XRCC4: variants seen among roughly 807,000 people sequenced by gnomAD.
XRCC4 encodes DNA repair protein XRCC4.
In XRCC4, 28 loss-of-function variants were observed where a neutral mutation model predicts 39.1. The ratio of observed to expected loss-of-function variants is 0.72; its 90% CI spans 0.53 to 0.98. The LOEUF is 0.98. Among genes scored for constraint, XRCC4 ranks in the 50% least tolerant of loss-of-function variants. XRCC4 has a pLI of 0.00. For synonymous variants in XRCC4, 123 were observed against 126.4 expected, an observed-to-expected ratio of 0.97 and a Z score of 0.18; for missense variants, 350 against 376.4, an observed-to-expected ratio of 0.93 and a Z score of 0.58.
chr5:83,101,829 A>G (rs1056141163), intron 1 of XRCC4, among the ~76,000 whole-genome samples: 2 of 152,158 alleles, frequency 1.3e-5, no homozygotes, highest in African/African-American at 4.8e-5. Flanking sequence ...TCACTATTCA[A>G]CGTAACCTTA....
At chr5:83,365,203 A>G in the XRCC4 span, among the ~76,000 whole-genome samples, 1 of 152,174 alleles carries the variant, frequency 6.6e-6, no homozygotes, top group Non-Finnish European at 1.5e-5. Context: ...GGAAAGCCCC[A>G]TTCAAATAAA....
chr5:83,132,286 T>C (rs1400813299), intron 3 of XRCC4, among the ~76,000 whole-genome samples: 3 of 152,120 alleles, frequency 2.0e-5, no homozygotes, highest in Admixed American at 6.6e-5. Context: ...GTGGGTAACC[T>C]GACCTTTCTA....
intron 6 of XRCC4, among the ~76,000 whole-genome samples, chr5:83,245,624 T>C (rs1381423604): frequency 6.6e-6 from 1 of 152,138 alleles, no homozygotes. Flanking sequence ...TGTGCCAGTT[T>C]ATTTAGATTT....
At chr5:83,332,270 AAGAG>A (rs149698378) in intron 7 of XRCC4, among the ~76,000 whole-genome samples, 5,243 of 128,504 alleles carry the variant, frequency 0.041, 128 homozygotes, top group Non-Finnish European at 0.059. Flanking sequence ...CACACACAGA[AAGAG>A]AGAGAGAGAG....
chr5:83,223,303 A>G (rs1379855744), intron 6 of XRCC4, among the ~76,000 whole-genome samples: 1 of 152,094 alleles, frequency 6.6e-6, no homozygotes, highest in Non-Finnish European at 1.5e-5. Flanking sequence ...TATCCTTTTC[A>G]GGATACAGTT....
chr5:83,193,749 C>T (rs1296838594), intron 3 of XRCC4, among the ~76,000 whole-genome samples: 1 of 152,104 alleles, frequency 6.6e-6, no homozygotes, highest in Non-Finnish European at 1.5e-5. Context: ...CTAAAAATGT[C>T]CACTTCTCTC....
chr5:83,236,110 C>T (rs28840981), intron 6 of XRCC4, among the ~76,000 whole-genome samples: 12,950 of 151,884 alleles, frequency 0.085, 839 homozygotes, highest in African/African-American at 0.17. Flanking sequence ...TCATGGCTTG[C>T]GAGAATCAAT....
rs866930797 is a variant in XRCC4, at chr5:83,339,476, A to C, written c.894-13655A>C. Among the ~76,000 whole-genome samples, 7 of 146,182 alleles carry C rather than the reference A, an allele frequency of 4.8e-5. 1 individual carries two copies. Among genetic ancestry groups the C allele is most frequent in the Non-Finnish European group, 7.5e-5 (5 of 66,462 alleles). On this transcript the variant is annotated intron_variant, in intron 7 of 7. Transcript: ENST00000396027. ...ACATCACACACCAGGGCCTGTCAGG[A>C]GATGGGGGTGGGGTGGGGGAGGGAT...
intron 3 of XRCC4, among the ~76,000 whole-genome samples, chr5:83,187,321 G>A (rs188451061): frequency 1.3e-5 from 2 of 152,128 alleles, no homozygotes; most frequent in Admixed American, 6.5e-5. Context: ...AGCCAGGAAC[G>A]TGTCTCTAAT....
At chr5:83,348,902 A>G (rs1271499129) in intron 7 of XRCC4, among the ~76,000 whole-genome samples, 2 of 152,194 alleles carry the variant, frequency 1.3e-5, no homozygotes, top group Admixed American at 6.5e-5. Flanking sequence ...TGCTGCTTAG[A>G]AATTTCTTCC....
At chr5:83,137,016 A>C (rs887601541) in intron 3 of XRCC4, among the ~76,000 whole-genome samples, 1 of 152,180 alleles carries the variant, frequency 6.6e-6, no homozygotes, top group Non-Finnish European at 1.5e-5. Context: ...TGTGGTGATT[A>C]TTTCACATTG....
rs1029975244 is a variant in XRCC4 at position 83,170,574 on chromosome 5, C to T, written c.316-25196C>T. On this transcript the variant is annotated intron_variant, in intron 3 of 7. Transcript: ENST00000396027. Reference sequence around the variant, plus strand: ...CATTCAGTTCCTTGCTGCCTCTTAGCTAACTCTGCTCTCAGCTCCTAGAGG... The same window carrying T: ...CATTCAGTTCCTTGCTGCCTCTTAGTTAACTCTGCTCTCAGCTCCTAGAGG... Among the ~76,000 whole-genome samples, 10 of 152,128 alleles carry T rather than the reference C, an allele frequency of 6.6e-5. 1 individual carries two copies. The highest frequency in any genetic ancestry group is 2.4e-4 in the African/African-American group (10 of 41,442).
At chr5:83,360,012 T>C in the XRCC4 span, among the ~76,000 whole-genome samples, 4 of 152,144 alleles carry the variant, frequency 2.6e-5, no homozygotes, top group Non-Finnish European at 5.9e-5. Context: ...AGCATAGTAC[T>C]ATATATTTTA....
chr5:83,270,514 C>CT lies in XRCC4; in HGVS notation c.893+11844dup, dbSNP rs933259582. ...TGCATGCATGACTGCAGCCTACTCC[C>CT]TTTTTTTCCCATTTCCACTTCTCTG... On this transcript the variant is annotated intron_variant, in intron 7 of 7. Coordinates refer to ENST00000396027, the MANE Select transcript of XRCC4 (RefSeq NM_003401.5). 3.3e-5 allele frequency among the ~76,000 whole-genome samples: 5 copies of CT among 152,122 alleles called. No homozygotes were observed. The South Asian group carries it at 6.2e-4, about 19-fold the overall frequency.
intron 1 of XRCC4, among the ~76,000 whole-genome samples, chr5:83,090,343 T>C (rs569031133): frequency 1.8e-5 from 2 of 112,394 alleles, no homozygotes; most frequent in South Asian, 5.8e-4. Context: ...GGTGGTGGGG[T>C]TGGGGGGGGC....
intron 6 of XRCC4, among the ~76,000 whole-genome samples, chr5:83,244,953 A>G (rs925682870): frequency 3.3e-5 from 5 of 152,240 alleles, no homozygotes; most frequent in Non-Finnish European, 7.3e-5. Context: ...TATATATTTC[A>G]TACTAATAAT....
intron 7 of XRCC4, among the ~76,000 whole-genome samples, chr5:83,320,432 A>G (rs1484725877): frequency 1.3e-5 from 2 of 151,972 alleles, no homozygotes; most frequent in African/African-American, 4.8e-5. Context: ...CGAAGATTCT[A>G]TGAACATTGT....
At chr5:83,220,790 T>G (rs902631795) in intron 6 of XRCC4, among the ~76,000 whole-genome samples, 2 of 152,196 alleles carry the variant, frequency 1.3e-5, no homozygotes, top group African/African-American at 4.8e-5. Flanking sequence ...AAAAAAGATC[T>G]TAGGTACTGA....
intron 2 of XRCC4, among the ~76,000 whole-genome samples, chr5:83,107,147 T>A (rs1208720963): frequency 6.6e-6 from 1 of 152,044 alleles, no homozygotes; most frequent in Admixed American, 6.6e-5. Flanking sequence ...CAAAAATATC[T>A]AATAGTGTTT....
Sources: gnomAD v4.1 joint callset for allele counts (sites outside exome capture counted in the v4.1 genomes callset) on GRCh38, gnomAD v4.1.1 for gene constraint, MANE v1.5 for transcripts, NCBI Gene and HGNC (gene_info 2026-07-23, HGNC 2026-07-21) for gene names.